CKAP5: variants seen among roughly 807,000 people sequenced by gnomAD.
The protein encoded by CKAP5 is cytoskeleton associated protein 5, also known as cytoskeleton-associated protein 5.
CKAP5 carries 27 observed loss-of-function variants against 232.8 expected under a neutral mutation model. That is an observed-to-expected ratio of 0.12 (90% CI 0.09 to 0.16). The LOEUF (loss-of-function observed/expected upper bound fraction) is 0.16, where lower values mean the gene tolerates loss of function less well. CKAP5 is among the 10% of genes least tolerant of loss of function. The probability of loss-of-function intolerance (pLI) is 1.00; values close to 1 mark genes in which losing one functional copy is unlikely to be tolerated. For missense variants in CKAP5, 1,838 were observed against 2,424.7 expected, an observed-to-expected ratio of 0.76 and a Z score of 5.08; for synonymous variants, 785 against 841.1, an observed-to-expected ratio of 0.93 and a Z score of 1.16.
At chr11:46,747,484 C>T (rs770011211) in intron 42 of CKAP5, among the ~76,000 whole-genome samples, 12 of 151,516 alleles carry the variant, frequency 7.9e-5, no homozygotes, top group Non-Finnish European at 1.6e-4. Context: ...CGTCTATAAT[C>T]CCAGCTACTC....
chr11:46,761,964 C>T, intron 32 of CKAP5, 36 bp downstream of exon 32: 3 of 1,546,274 alleles, frequency 1.9e-6, no homozygotes, highest in South Asian at 2.3e-5. Context: ...CAATTCTTTT[C>T]ACGACATGCT....
chr11:46,810,139 T>G (rs560814176), intron 5 of CKAP5, among the ~76,000 whole-genome samples: 64 of 152,062 alleles, frequency 4.2e-4, no homozygotes, highest in African/African-American at 1.4e-3. Flanking sequence ...ATCCGGCTAA[T>G]TTTTGTATTT....
intron 1 of CKAP5, among the ~76,000 whole-genome samples, chr11:46,843,125 C>T (rs1940100960): frequency 1.3e-5 from 2 of 151,232 alleles, no homozygotes; most frequent in African/African-American, 4.9e-5. Flanking sequence ...TGGTCTCCCA[C>T]CATTAAGGGG....
chr11:46,818,224 A>G, intron 3 of CKAP5, 86 bp downstream of exon 3: 1 of 1,044,108 alleles, frequency 9.6e-7, no homozygotes, highest in Non-Finnish European at 1.3e-6. Context: ...AAAACTGCTA[A>G]TAACTAAGGA....
chr11:46,789,367 C>A (rs1395424828), intron 15 of CKAP5, among the ~76,000 whole-genome samples: 1 of 152,152 alleles, frequency 6.6e-6, no homozygotes, highest in Non-Finnish European at 1.5e-5. Flanking sequence ...GTTTTCATAC[C>A]AATGGATAAT....
At position 46,790,194 on chromosome 11, in the gene CKAP5, A is replaced by G; in HGVS notation, c.1765-8T>C. Reference sequence around the variant, plus strand: ...TTCTTCACATACTTCTATCTGTAAGATACAAAAACATATTAGAATTAGGAA... The same window carrying G: ...TTCTTCACATACTTCTATCTGTAAGGTACAAAAACATATTAGAATTAGGAA... On this transcript the variant is annotated splice_region_variant and splice_polypyrimidine_tract_variant and intron_variant, in intron 14 of 43. Transcript: ENST00000529230. The G allele has an allele frequency of 6.5e-7, 1 of 1,547,854 alleles. No individual in the cohort carries two copies. The highest frequency in any genetic ancestry group is 8.9e-7 in the Non-Finnish European group (1 of 1,124,668).
chr11:46,802,022 C>T (rs1939041812), intron 8 of CKAP5: 1 of 152,182 alleles, frequency 6.6e-6, no homozygotes, highest in South Asian at 2.1e-4. Flanking sequence ...TATTCATAAC[C>T]AAGAAGCACC....
chr11:46,805,263 A>AG (rs1490801400), intron 8 of CKAP5, among the ~76,000 whole-genome samples: 5 of 152,096 alleles, frequency 3.3e-5, no homozygotes, highest in Non-Finnish European at 5.9e-5. Context: ...TAAAAATAAT[A>AG]GAAAAAAAAG....
At chr11:46,780,391 T>G (rs775800475) in intron 19 of CKAP5, 37 bp downstream of exon 19, 12 of 1,613,368 alleles carry the variant, frequency 7.4e-6, no homozygotes, top group African/African-American at 4.0e-5. Context: ...TCCACAAAGA[T>G]GGCAATACTG....
intron 3 of CKAP5, among the ~76,000 whole-genome samples, chr11:46,817,188 C>T (rs1220772544): frequency 6.6e-6 from 1 of 151,926 alleles, no homozygotes; most frequent in Non-Finnish European, 1.5e-5. Context: ...GATTATAGCT[C>T]ACTGTGACCT....
rs1291889719 is a variant in CKAP5 at position 46,809,402 on chromosome 11, T to C, written c.862A>G (p.Ile288Val). The change falls in exon 7 of 44, where the codon ATT becomes GTT. Residue 288 changes from isoleucine (I) to valine (V), a missense_variant and splice_region_variant. Transcript: ENST00000529230. Reference protein sequence around the residue: ...SKLPKDFYDKIEAKKWQERKE... With the variant: ...SKLPKDFYDKVEAKKWQERKE... ...AAAGAAGTTTAACTATTACTTACAA[T>C]TTTGTCATAAAAGTCTTTGGGAAGT... 1 of 1,567,224 alleles carries C rather than the reference T, an allele frequency of 6.4e-7. No individual in the cohort carries two copies. The highest frequency in any genetic ancestry group is 1.1e-5 in the South Asian group (1 of 87,836).
chr11:46,809,939 C>A, intron 5 of CKAP5, 65 bp from the exon 6 acceptor site: 1 of 1,461,568 alleles, frequency 6.8e-7, no homozygotes, highest in South Asian at 1.3e-5. Context: ...ATACTTAATA[C>A]TTACATTTAT....
chr11:46,823,764 G>C (rs1431662475), intron 1 of CKAP5, among the ~76,000 whole-genome samples: 2 of 152,072 alleles, frequency 1.3e-5, no homozygotes, highest in African/African-American at 4.8e-5. Context: ...GGGACTACAG[G>C]CACATGTCAC....
chr11:46,748,602 G>A (rs967096103), intron 42 of CKAP5, among the ~76,000 whole-genome samples: 3 of 151,800 alleles, frequency 2.0e-5, no homozygotes, highest in African/African-American at 4.8e-5. Context: ...GTGAAACCCC[G>A]TCTCTACTAA....
At chr11:46,835,707 T>C (rs1719160300) in intron 1 of CKAP5, among the ~76,000 whole-genome samples, 2 of 152,110 alleles carry the variant, frequency 1.3e-5, no homozygotes, top group Admixed American at 1.3e-4. Flanking sequence ...GAGACAAATC[T>C]TCCTTACAAA....
At chr11:46,825,592 A>G (rs1401251195) in intron 1 of CKAP5, among the ~76,000 whole-genome samples, 1 of 152,176 alleles carries the variant, frequency 6.6e-6, no homozygotes, top group Non-Finnish European at 1.5e-5. Context: ...CTATCACAAT[A>G]CAAGAGATCT....
At chr11:46,747,410 T>C (rs1007432759) in intron 42 of CKAP5, among the ~76,000 whole-genome samples, 1 of 151,802 alleles carries the variant, frequency 6.6e-6, no homozygotes, top group African/African-American at 2.4e-5. Flanking sequence ...GAGACCAGCC[T>C]GGCCAATACG....
chr11:46,763,660 A>G (rs1257630848), intron 28 of CKAP5, 30 bp from the exon 29 acceptor site: 6 of 1,477,700 alleles, frequency 4.1e-6, no homozygotes, highest in Non-Finnish European at 5.4e-6. Flanking sequence ...AAAAGGGGCT[A>G]CAGGGTGTTC....
At chr11:46,845,524 G>A (rs562671288) in intron 1 of CKAP5, among the ~76,000 whole-genome samples, 1 of 152,294 alleles carries the variant, frequency 6.6e-6, no homozygotes, top group African/African-American at 2.4e-5. Context: ...AAGTAGAGGG[G>A]AGAGCTCAAA....
Sources: allele counts gnomAD v4.1 joint callset (sites outside exome capture counted in the v4.1 genomes callset), GRCh38; gene constraint gnomAD v4.1.1; transcripts MANE v1.5; gene names NCBI Gene and HGNC (gene_info 2026-07-23, HGNC 2026-07-21).